Variants in CSMD1 observed in about 807,000 individuals in gnomAD.
CSMD1 encodes CUB and Sushi multiple domains 1.
CSMD1 carries 213 observed loss-of-function variants against 417.5 expected under a neutral mutation model. The observed-to-expected ratio is 0.51, with a 90% confidence interval of 0.46 to 0.57. The LOEUF (loss-of-function observed/expected upper bound fraction) is 0.57. CSMD1 is among the 20% of genes least tolerant of loss of function. CSMD1 has a pLI of 0.00. For synonymous variants in CSMD1, 2,862 were observed against 1,736.8 expected, an observed-to-expected ratio of 1.65 and a Z score of -16.11; for missense variants, 6,923 against 4,529.7, an observed-to-expected ratio of 1.53 and a Z score of -15.17.
chr8:4,983,666 G>C (rs1313625573), intron 1 of CSMD1, among the ~76,000 whole-genome samples: 1 of 152,036 alleles, frequency 6.6e-6, no homozygotes, highest in African/African-American at 2.4e-5. Flanking sequence ...TGGATTACGG[G>C]TGCCAGCCAC....
intron 7 of CSMD1, among the ~76,000 whole-genome samples, chr8:3,671,701 A>G (rs551624829): frequency 1.3e-5 from 2 of 151,082 alleles, no homozygotes; most frequent in East Asian, 4.0e-4. Flanking sequence ...GAGCCTCTTC[A>G]TCTTATTCGT....
At chr8:3,210,269 C>T (rs1797525780) in intron 30 of CSMD1, among the ~76,000 whole-genome samples, 1 of 152,058 alleles carries the variant, frequency 6.6e-6, no homozygotes, top group East Asian at 1.9e-4. Context: ...GCTTTATTTG[C>T]ATGTAAATGG....
intron 2 of CSMD1, among the ~76,000 whole-genome samples, chr8:4,598,875 GA>G (rs1324088985): frequency 6.6e-6 from 1 of 151,808 alleles, no homozygotes; most frequent in Non-Finnish European, 1.5e-5. Flanking sequence ...TTTTGTAGAA[GA>G]AAAAAAGAAT....
chr8:3,765,052 C>A (rs1013088079), intron 5 of CSMD1, among the ~76,000 whole-genome samples: 4 of 152,098 alleles, frequency 2.6e-5, no homozygotes, highest in South Asian at 2.1e-4. Flanking sequence ...GCTGCACTGC[C>A]CTTTTTTCTA....
chr8:3,000,872 T>C (rs1425190141), intron 52 of CSMD1, among the ~76,000 whole-genome samples: 2 of 152,194 alleles, frequency 1.3e-5, no homozygotes, highest in Non-Finnish European at 2.9e-5. Flanking sequence ...AGACAGAATG[T>C]CCATGTAGAT....
At chr8:4,788,826 C>T (rs185191862) in intron 1 of CSMD1, among the ~76,000 whole-genome samples, 2 of 152,280 alleles carry the variant, frequency 1.3e-5, no homozygotes, top group East Asian at 1.9e-4. Context: ...ACATTTTATA[C>T]ATTTTAAATT....
chr8:3,460,743 T>C (rs966698994), intron 12 of CSMD1, among the ~76,000 whole-genome samples: 5 of 152,056 alleles, frequency 3.3e-5, no homozygotes, highest in Admixed American at 2.6e-4. Flanking sequence ...TAATTATAAA[T>C]CTGTTGTCCA....
intron 3 of CSMD1, among the ~76,000 whole-genome samples, chr8:4,389,260 A>C (rs995573706): frequency 2.6e-5 from 4 of 152,174 alleles, no homozygotes; most frequent in Admixed American, 6.5e-5. Flanking sequence ...ATTAAGCATA[A>C]ATGAAGAATA....
intron 37 of CSMD1, among the ~76,000 whole-genome samples, chr8:3,167,077 G>T (rs373283514): frequency 1.3e-5 from 2 of 152,154 alleles, no homozygotes; most frequent in Non-Finnish European, 2.9e-5. Flanking sequence ...ACAAGGTCAA[G>T]AGTTCCAGAG....
intron 3 of CSMD1, among the ~76,000 whole-genome samples, chr8:4,194,468 C>G (rs1446256577): frequency 1.3e-5 from 2 of 152,090 alleles, no homozygotes; most frequent in African/African-American, 4.8e-5. Flanking sequence ...ACAATAGCGC[C>G]CTGTCACTTT....
intron 6 of CSMD1, among the ~76,000 whole-genome samples, chr8:3,727,767 G>A (rs1047144032): frequency 3.3e-5 from 5 of 152,110 alleles, no homozygotes; most frequent in South Asian, 2.1e-4. Flanking sequence ...CCATATAATC[G>A]GTTATAATTT....
chr8:4,300,712 G>C (rs1306286943), intron 3 of CSMD1, among the ~76,000 whole-genome samples: 2 of 152,136 alleles, frequency 1.3e-5, no homozygotes, highest in Non-Finnish European at 2.9e-5. Context: ...AGTCCCCGGA[G>C]TGTGATGTTC....
intron 26 of CSMD1, among the ~76,000 whole-genome samples, chr8:3,277,131 A>T (rs937279221): frequency 1.3e-5 from 2 of 152,060 alleles, no homozygotes; most frequent in Non-Finnish European, 2.9e-5. Flanking sequence ...ATCTGAGTAG[A>T]GGTTTCTGTA....
rs556839560 is a variant in CSMD1 at position 3,079,377 on chromosome 8, T to C, written c.7474+7720A>G. On this transcript the variant is annotated intron_variant, in intron 49 of 69. Transcript: ENST00000635120. ...CATATCATAGCATGTGATTTGACAT[T>C]TAAAATCCCAGAAGTTCCTATTTAA... Among the ~76,000 whole-genome samples the C allele has an allele frequency of 3.9e-5, 6 of 152,344 alleles. No homozygotes were observed. The South Asian group carries it at 8.3e-4, about 21-fold the overall frequency.
At chr8:3,256,511 T>C (rs76553556) in intron 26 of CSMD1, among the ~76,000 whole-genome samples, 1 of 152,186 alleles carries the variant, frequency 6.6e-6, no homozygotes, top group Admixed American at 6.5e-5. Context: ...ATAAAAGACA[T>C]CTCCTTTAGG....
chr8:4,469,074 G>A (rs1449423663), intron 2 of CSMD1, among the ~76,000 whole-genome samples: 1 of 152,168 alleles, frequency 6.6e-6, no homozygotes, highest in Non-Finnish European at 1.5e-5. Context: ...GCACAATTGT[G>A]TCTTACACAG....
chr8:2,947,464 T>C (rs1372159346), intron 68 of CSMD1, among the ~76,000 whole-genome samples: 1 of 152,238 alleles, frequency 6.6e-6, no homozygotes, highest in Admixed American at 6.5e-5. Context: ...CAAATTATTT[T>C]GTAAAGTAAA....
chr8:4,644,763 A>G (rs1436040385), intron 1 of CSMD1, among the ~76,000 whole-genome samples: 1 of 152,250 alleles, frequency 6.6e-6, no homozygotes, highest in Non-Finnish European at 1.5e-5. Context: ...TATCCTATTT[A>G]CTTGCTTACG....
intron 1 of CSMD1, among the ~76,000 whole-genome samples, chr8:4,921,526 T>A (rs900449660): frequency 6.6e-6 from 1 of 152,318 alleles, no homozygotes; most frequent in African/African-American, 2.4e-5. Flanking sequence ...CACTATATAG[T>A]TGGTAAAATG....
Sources: gnomAD v4.1 joint callset for allele counts (sites outside exome capture counted in the v4.1 genomes callset) on GRCh38, gnomAD v4.1.1 for gene constraint, MANE v1.5 for transcripts, NCBI Gene and HGNC (gene_info 2026-07-23, HGNC 2026-07-21) for gene names.